Variants in FSHR observed in about 807,000 individuals in gnomAD.
FSHR encodes the protein follicle-stimulating hormone receptor.
A neutral mutation model predicts 52.1 loss-of-function variants in FSHR; 46 were observed. That is an observed-to-expected ratio of 0.88 (90% CI 0.70 to 1.13). The LOEUF (loss-of-function observed/expected upper bound fraction) is 1.13. Ranked by LOEUF, FSHR falls within the 50% of genes most tolerant of loss-of-function variation. FSHR has a pLI of 0.00. For synonymous variants in FSHR, 399 were observed against 309.6 expected (o/e 1.29, Z -3.03); for missense variants, 964 against 834.6 (o/e 1.16, Z -1.91).
intron 1 of FSHR, among the ~76,000 whole-genome samples, chr2:49,135,885 A>T (rs2103823322): frequency 6.6e-6 from 1 of 152,238 alleles, no homozygotes. Context: ...ATCATCATAA[A>T]GGTCTTTATC....
chr2:49,071,992 AGGAAG>A (rs1359298081), intron 1 of FSHR, among the ~76,000 whole-genome samples: 1 of 152,178 alleles, frequency 6.6e-6, no homozygotes, highest in African/African-American at 2.4e-5. Flanking sequence ...TGAGATTTGC[AGGAAG>A]GAAATATAAG....
chr2:49,152,110 T>C (rs1329176620), intron 1 of FSHR, among the ~76,000 whole-genome samples: 6 of 152,130 alleles, frequency 3.9e-5, no homozygotes, highest in African/African-American at 1.4e-4. Flanking sequence ...CTTCTAAAGC[T>C]CTTAACTATA....
chr2:48,990,706 C>G, intron 4 of FSHR, 69 bp from the exon 5 acceptor site: 1 of 937,110 alleles, frequency 1.1e-6, no homozygotes, highest in Non-Finnish European at 1.8e-6. Flanking sequence ...AGAGCATGAA[C>G]TTTCCAGAAT....
In FSHR at chr2:49,076,548, C is replaced by T. The variant is rs2089119; in HGVS notation, c.153-8258G>A. On this transcript the variant is annotated intron_variant, in intron 1 of 9. Coordinates refer to ENST00000406846, the MANE Select transcript of FSHR (RefSeq NM_000145.4). The stretch of plus-strand genomic sequence containing the variant: ...CCAAACCATATCATTCTGCCCCTGG[C>T]CCCTCCCAAATCTCATGTCCTTACA... Among the ~76,000 whole-genome samples, 1,050 of 152,204 alleles carry T rather than the reference C, an allele frequency of 6.9e-3. 14 individuals are homozygous for T. Among genetic ancestry groups the T allele is most frequent in the Middle Eastern group, 0.034 (10 of 294 alleles).
intron 4 of FSHR, among the ~76,000 whole-genome samples, chr2:49,017,270 T>C (rs887156858): frequency 1.3e-5 from 2 of 152,192 alleles, no homozygotes; most frequent in Non-Finnish European, 2.9e-5. Context: ...GCATTTCTTA[T>C]GTCTGTTTTT....
chr2:49,007,688 G>C (rs1216638104), intron 4 of FSHR, among the ~76,000 whole-genome samples: 2 of 152,066 alleles, frequency 1.3e-5, no homozygotes, highest in African/African-American at 4.8e-5. Context: ...AGCAGTTACA[G>C]AGGCCTTCAA....
chr2:48,972,227 T>C (rs1674774772), intron 8 of FSHR, among the ~76,000 whole-genome samples: 1 of 152,194 alleles, frequency 6.6e-6, no homozygotes, highest in African/African-American at 2.4e-5. Flanking sequence ...TCATACCCTA[T>C]ATCAAAACTC....
chr2:49,053,101 G>A (rs1264744591), intron 2 of FSHR, among the ~76,000 whole-genome samples: 1 of 152,122 alleles, frequency 6.6e-6, no homozygotes, highest in Non-Finnish European at 1.5e-5. Context: ...ATTTCTATAT[G>A]CAAATAAATC....
chr2:49,001,065 T>G (rs1666864003), intron 4 of FSHR, among the ~76,000 whole-genome samples: 1 of 151,968 alleles, frequency 6.6e-6, no homozygotes. Flanking sequence ...TAATTATGAT[T>G]ACCATTTTAC....
intron 1 of FSHR, among the ~76,000 whole-genome samples, chr2:49,083,914 C>T (rs1265124558): frequency 6.6e-6 from 1 of 151,586 alleles, no homozygotes; most frequent in Non-Finnish European, 1.5e-5. Context: ...TAACATCCCA[C>T]TGTCAACATT....
Position 48,962,404 on chromosome 2 carries a change from A to G in FSHR, c.*329T>C, listed in dbSNP as rs1339670870. ...GTGGTTTCCTCATTTGTAAAACTCC[A>G]AGAATAATCCCTGTCCTGCTTATTT... On this transcript the variant is annotated 3_prime_UTR_variant, in exon 10 of 10. Transcript: ENST00000406846. 6.8e-6 allele frequency: 2 copies of G among 294,234 alleles called. No individual in the cohort carries two copies. Among genetic ancestry groups the G allele is most frequent in the East Asian group, 1.8e-4 (2 of 11,388 alleles). The allele number at this position is 294,234 out of a possible 1,614,324, so 18.2% of individuals were successfully genotyped here.
At chr2:49,048,818 C>T (rs1000511509) in intron 2 of FSHR, among the ~76,000 whole-genome samples, 1 of 152,124 alleles carries the variant, frequency 6.6e-6, no homozygotes, top group Non-Finnish European at 1.5e-5. Context: ...CAGGGTGAAT[C>T]TGAGCACTGC....
chr2:49,129,311 C>G (rs1292191123), intron 1 of FSHR, among the ~76,000 whole-genome samples: 1 of 152,066 alleles, frequency 6.6e-6, no homozygotes. Context: ...GGCCAGATAG[C>G]CTGATTTCTA....
chr2:48,965,437 C>A (rs1674430702), intron 9 of FSHR, among the ~76,000 whole-genome samples: 1 of 151,930 alleles, frequency 6.6e-6, no homozygotes, highest in African/African-American at 2.4e-5. Flanking sequence ...GAAACGGAGC[C>A]CAGAAAATGT....
chr2:48,989,671 G>C (rs149807315), intron 5 of FSHR, among the ~76,000 whole-genome samples: 12 of 152,222 alleles, frequency 7.9e-5, no homozygotes, highest in African/African-American at 2.6e-4. Flanking sequence ...TAACTTCTCT[G>C]TTCATCTTAG....
At position 49,134,392 on chromosome 2, in the gene FSHR, G is replaced by A. The variant is rs187303851; in HGVS notation, c.152+19874C>T. ...ACCATCTCACACCAGTTAAAATGGC[G>A]ATCATTAAAAAGTCAGGAAACAACA... On this transcript the variant is annotated intron_variant, in intron 1 of 9. Coordinates refer to ENST00000406846, the MANE Select transcript of FSHR (RefSeq NM_000145.4). Among the ~76,000 whole-genome samples the A allele has an allele frequency of 2.8e-3, 422 of 152,226 alleles. 4 individuals carry two copies. The highest frequency in any genetic ancestry group is 0.014 in the Middle Eastern group (4 of 294).
chr2:49,037,924 A>G (rs1325384136), intron 2 of FSHR, among the ~76,000 whole-genome samples: 1 of 152,204 alleles, frequency 6.6e-6, no homozygotes, highest in South Asian at 2.1e-4. Context: ...TAAGGAAATC[A>G]TTAAACCACA....
chr2:49,140,629 G>T (rs1360664603), intron 1 of FSHR, among the ~76,000 whole-genome samples: 1 of 151,878 alleles, frequency 6.6e-6, no homozygotes, highest in East Asian at 1.9e-4. Flanking sequence ...GAACCCAAGA[G>T]GCAGAGGTTG....
At chr2:49,045,212 C>T in intron 2 of FSHR, among the ~76,000 whole-genome samples, 1 of 152,214 alleles carries the variant, frequency 6.6e-6, no homozygotes, top group Non-Finnish European at 1.5e-5. Flanking sequence ...AGGCTGTGTG[C>T]CATTTCTCTT....
Sources: allele counts gnomAD v4.1 joint callset (sites outside exome capture counted in the v4.1 genomes callset), GRCh38; gene constraint gnomAD v4.1.1; transcripts MANE v1.5; gene names NCBI Gene and HGNC (gene_info 2026-07-23, HGNC 2026-07-21).